Variants in GNB4 observed in about 807,000 individuals in gnomAD.
The protein encoded by GNB4 is guanine nucleotide-binding protein subunit beta-4.
GNB4 carries 28 observed loss-of-function variants against 45.2 expected under a neutral mutation model. The observed-to-expected ratio is 0.62, with a 90% CI of 0.46 to 0.85. GNB4 has a LOEUF of 0.85. Among genes scored for constraint, GNB4 ranks in the 40% least tolerant of loss-of-function variants. The pLI is 0.00. For synonymous variants in GNB4, 132 were observed against 143.7 expected, an observed-to-expected ratio of 0.92 and a Z score of 0.58; for missense variants, 321 against 425.4, an observed-to-expected ratio of 0.75 and a Z score of 2.16.
chr3:179,464,596 A>C, the GNB4 span: 1 of 1,386,392 alleles, frequency 7.2e-7, no homozygotes, highest in Non-Finnish European at 1.0e-6. Flanking sequence ...AGTCACTCCT[A>C]CGTCCTCAAC....
At chr3:179,445,152 G>C (rs915104201) in intron 1 of GNB4, among the ~76,000 whole-genome samples, 5 of 152,102 alleles carry the variant, frequency 3.3e-5, no homozygotes, top group African/African-American at 4.8e-5. Flanking sequence ...TTCAGCTATA[G>C]AGAAATTGAT....
At chr3:179,450,098 A>G (rs1291318495) in intron 1 of GNB4, among the ~76,000 whole-genome samples, 1 of 152,118 alleles carries the variant, frequency 6.6e-6, no homozygotes, top group Non-Finnish European at 1.5e-5. Flanking sequence ...AACGTTCAAT[A>G]AGATGATATT....
At chr3:179,429,271 G>C (rs1485848931) in intron 1 of GNB4, among the ~76,000 whole-genome samples, 1 of 152,238 alleles carries the variant, frequency 6.6e-6, no homozygotes, top group Non-Finnish European at 1.5e-5. Flanking sequence ...TCTAGGCTGT[G>C]ATGAAATCCA....
At chr3:179,511,988 C>T in the GNB4 span, among the ~76,000 whole-genome samples, 1 of 152,198 alleles carries the variant, frequency 6.6e-6, no homozygotes, top group African/African-American at 2.4e-5. Flanking sequence ...TTTGCTTTAA[C>T]TAACCTTTAA....
chr3:179,436,640 C>T (rs1715458626), intron 1 of GNB4, among the ~76,000 whole-genome samples: 1 of 152,072 alleles, frequency 6.6e-6, no homozygotes, highest in African/African-American at 2.4e-5. Context: ...TGCCCACCCA[C>T]CCCAAGTGTT....
the GNB4 span, among the ~76,000 whole-genome samples, chr3:179,471,764 T>C: frequency 3.3e-5 from 5 of 152,300 alleles, no homozygotes; most frequent in South Asian, 1.0e-3. Context: ...AAAAGAGCTA[T>C]GGGATGCGCA....
chr3:179,405,599 T>G (rs754138631), intron 8 of GNB4, 193 bp from the exon 9 acceptor site: 33 of 552,900 alleles, frequency 6.0e-5, no homozygotes, highest in Non-Finnish European at 1.0e-4. Context: ...CTGAATTAAA[T>G]AACATATGCA....
chr3:179,397,192 T>A lies in GNB4; in HGVS notation c.*4021A>T, dbSNP rs1714144036. 1 of 152,220 alleles carries A rather than the reference T, an allele frequency of 6.6e-6. No individual in the cohort carries two copies. The highest frequency in any genetic ancestry group is 2.1e-4 in the South Asian group (1 of 4,834). 9.4% of individuals were successfully genotyped at this position (152,220 alleles called of 1,614,324 possible). On this transcript the variant is annotated 3_prime_UTR_variant, in exon 10 of 10. Coordinates refer to ENST00000232564, the MANE Select transcript of GNB4 (RefSeq NM_021629.4). The stretch of plus-strand genomic sequence containing the variant: ...CAGTTTTCCTAAGTTAAACCAAGAA[T>A]AAGCCACAAGTATTCAATTGTGTTA...
At chr3:179,422,012 T>C (rs187316886) in intron 2 of GNB4, among the ~76,000 whole-genome samples, 4 of 152,330 alleles carry the variant, frequency 2.6e-5, no homozygotes, top group African/African-American at 4.8e-5. Context: ...TGAACCATCA[T>C]TGTTTAGACT....
intron 1 of GNB4, among the ~76,000 whole-genome samples, chr3:179,436,255 AG>A (rs1475960470): frequency 6.6e-6 from 1 of 152,058 alleles, no homozygotes; most frequent in Non-Finnish European, 1.5e-5. Flanking sequence ...AAAATTAGCC[AG>A]GCGCATGCCT....
chr3:179,477,311 C>A, the GNB4 span, among the ~76,000 whole-genome samples: 74 of 152,304 alleles, frequency 4.9e-4, 1 homozygote, highest in South Asian at 0.015. Context: ...CCTCTTGCAT[C>A]TTACTGTATG....
the GNB4 span, among the ~76,000 whole-genome samples, chr3:179,463,549 C>G: frequency 1.3e-5 from 2 of 152,166 alleles, no homozygotes; most frequent in Non-Finnish European, 2.9e-5. Context: ...TTATTCACCC[C>G]ACAGATGAAG....
At chr3:179,454,738 G>A (rs1715953598), upstream of GNB4, among the ~76,000 whole-genome samples, 1 of 152,124 alleles carries the variant, frequency 6.6e-6, no homozygotes, top group African/African-American at 2.4e-5. Context: ...GTACCGCCCT[G>A]TATGTGTTGT....
At chr3:179,443,941 G>C (rs1715655830) in intron 1 of GNB4, among the ~76,000 whole-genome samples, 1 of 152,038 alleles carries the variant, frequency 6.6e-6, no homozygotes, top group Non-Finnish European at 1.5e-5. Context: ...GTTACATTTA[G>C]TCCCATTTAG....
chr3:179,430,720 G>C (rs1715287370), intron 1 of GNB4, among the ~76,000 whole-genome samples: 1 of 151,000 alleles, frequency 6.6e-6, no homozygotes, highest in Non-Finnish European at 1.5e-5. Context: ...GCCTCCCAAA[G>C]TGCTAAAATT....
At chr3:179,522,303 GAAC>G in the GNB4 span, among the ~76,000 whole-genome samples, 2 of 144,354 alleles carry the variant, frequency 1.4e-5, no homozygotes, top group Admixed American at 6.7e-5. Context: ...GCCCACCAGA[GAAC>G]AACCCCCTTT....
chr3:179,412,846 C>A (rs1270993475), intron 8 of GNB4, among the ~76,000 whole-genome samples: 2 of 149,430 alleles, frequency 1.3e-5, no homozygotes, highest in African/African-American at 4.9e-5. Context: ...AATCCCTCCA[C>A]TTTGGAAAAA....
chr3:179,415,081 C>A, intron 5 of GNB4, 34 bp from the exon 6 acceptor site: 3 of 1,491,724 alleles, frequency 2.0e-6, no homozygotes, highest in East Asian at 2.3e-5. Flanking sequence ...ACTCAGATTA[C>A]AAAAACAGTC....
At chr3:179,434,082 C>T (rs368237847) in intron 1 of GNB4, among the ~76,000 whole-genome samples, 2 of 152,184 alleles carry the variant, frequency 1.3e-5, no homozygotes, top group African/African-American at 2.4e-5. Flanking sequence ...GGTGACGACA[C>T]GTATCTTTCA....
Sources: gnomAD v4.1 joint callset for allele counts (sites outside exome capture counted in the v4.1 genomes callset) on GRCh38, gnomAD v4.1.1 for gene constraint, MANE v1.5 for transcripts, NCBI Gene and HGNC (gene_info 2026-07-23, HGNC 2026-07-21) for gene names.